CRIM1: variants seen among roughly 807,000 people sequenced by gnomAD.
CRIM1 encodes cysteine-rich motor neuron 1 protein.
Under a neutral mutation model 116.4 loss-of-function variants are expected in CRIM1, and 32 were observed. That is an observed-to-expected ratio of 0.27 (90% CI 0.21 to 0.37). CRIM1 has a LOEUF of 0.37. Ranked by LOEUF, CRIM1 falls within the 10% of genes least tolerant of loss-of-function variation. The pLI is 1.00. For synonymous variants in CRIM1, 590 were observed against 509.2 expected (o/e 1.16, Z -2.13); for missense variants, 1,331 against 1,354.8 (o/e 0.98, Z 0.28).
intron 2 of CRIM1, among the ~76,000 whole-genome samples, chr2:36,404,486 G>A (rs759628866): frequency 3.9e-5 from 6 of 152,132 alleles, no homozygotes; most frequent in Non-Finnish European, 7.4e-5. Flanking sequence ...CTTCCGAGGC[G>A]ACCGCTTTCA....
chr2:36,368,541 AG>A (rs1205005020), intron 1 of CRIM1, among the ~76,000 whole-genome samples: 1 of 152,230 alleles, frequency 6.6e-6, no homozygotes, highest in Non-Finnish European at 1.5e-5. Flanking sequence ...CACGGCTTCC[AG>A]TGTATATTAG....
At chr2:36,475,879 A>G (rs907567456) in intron 5 of CRIM1, among the ~76,000 whole-genome samples, 1 of 152,200 alleles carries the variant, frequency 6.6e-6, no homozygotes, top group African/African-American at 2.4e-5. Context: ...TCGTATTAAC[A>G]TTAATATTTT....
rs181871341 is a variant in CRIM1 at position 36,424,536 on chromosome 2, G to A, written c.506-16722G>A. ...TAAGGCCATGGTATGCTCATCCACAGTAGGGCTGTGTCCTTGGGAAGTAGG... is the reference window on the plus strand; with the variant it reads ...TAAGGCCATGGTATGCTCATCCACAATAGGGCTGTGTCCTTGGGAAGTAGG... On this transcript the variant is annotated intron_variant, in intron 2 of 16. Transcript: ENST00000280527. Among the ~76,000 whole-genome samples, 107 of 152,328 alleles carry A rather than the reference G, an allele frequency of 7.0e-4. 1 individual carries two copies. Among genetic ancestry groups the A allele is most frequent in the Middle Eastern group, 6.8e-3 (2 of 294 alleles).
At position 36,356,575 on chromosome 2, in the gene CRIM1, C is replaced by G. The variant is rs1277159229; in HGVS notation, c.283C>G (p.Pro95Ala). The change falls in exon 1 of 17, where the codon CCG becomes GCG. Residue 95 changes from proline to alanine, a missense_variant. Pro to Ala is a conservative substitution (Grantham distance 27). This residue lies in a region of CRIM1 where 690 missense variants were observed against 676.0 expected (regional missense o/e 1.02). Transcript: ENST00000280527. This position sits in a 1 kb window ranked among gnomAD's most constrained non-coding sequence, Gnocchi z 4.3. ...GGGGCTGCGTTGTGTCATCCGCCCC[C>G]CGCTCAATGGCGACTCCCTCACCGA... The part of the protein sequence containing the change: ...DRGLRCVIRP[P>A]LNGDSLTEYE... 6 of 1,612,222 alleles carry G rather than the reference C, an allele frequency of 3.7e-6. No individual in the cohort carries two copies. Among genetic ancestry groups the G allele is most frequent in the African/African-American group, 1.3e-5 (1 of 75,034 alleles).
At chr2:36,428,784 A>G (rs1427705425) in intron 2 of CRIM1, among the ~76,000 whole-genome samples, 1 of 152,216 alleles carries the variant, frequency 6.6e-6, no homozygotes, top group African/African-American at 2.4e-5. Context: ...AAATACTTCC[A>G]TTATTCTTAC....
chr2:36,479,031 C>T (rs1679203580), intron 6 of CRIM1, among the ~76,000 whole-genome samples: 1 of 152,124 alleles, frequency 6.6e-6, no homozygotes, highest in Non-Finnish European at 1.5e-5. Context: ...CATGGTCGTG[C>T]AGGTACATGA....
rs113171348 is a variant in CRIM1, at chr2:36,442,475, G to A, written c.749-140G>A. On this transcript the variant is annotated intron_variant, in intron 3 of 16. Coordinates refer to ENST00000280527, the MANE Select transcript of CRIM1 (RefSeq NM_016441.3). ...TATTGCAGTTCTATAGCATTAACTG[G>A]AGTAACATGTCGACACTAGGACTGG... 2.7e-4 allele frequency: 240 copies of A among 902,140 alleles called. 1 individual carries two copies. In the South Asian group the frequency reaches 3.2e-3, roughly 12 times the overall value. The allele number at this position is 902,140 out of a possible 1,614,324, so 55.9% of individuals were successfully genotyped here.
chr2:36,404,335 G>A (rs1029413568), intron 2 of CRIM1, among the ~76,000 whole-genome samples: 3 of 152,160 alleles, frequency 2.0e-5, no homozygotes, highest in African/African-American at 7.2e-5. Flanking sequence ...AGTAGAGCTG[G>A]TCAGACCCAC....
In CRIM1 at chr2:36,549,002, G is replaced by T; in HGVS notation, c.*301G>T. 5.2e-6 allele frequency: 1 copy of T among 190,572 alleles called. No homozygotes were observed. The highest frequency in any genetic ancestry group is 1.1e-5 in the Non-Finnish European group (1 of 92,978). 11.8% of individuals were successfully genotyped at this position (190,572 alleles called of 1,614,324 possible). ...GGGTGGGGACAGTGAGTTTGGATGGGGAAATGGGTGGGAGGGTGGTGTTGG... is the reference window on the plus strand; with the variant it reads ...GGGTGGGGACAGTGAGTTTGGATGGTGAAATGGGTGGGAGGGTGGTGTTGG... On this transcript the variant is annotated 3_prime_UTR_variant, in exon 17 of 17. Coordinates refer to ENST00000280527, the MANE Select transcript of CRIM1 (RefSeq NM_016441.3).
intron 4 of CRIM1, among the ~76,000 whole-genome samples, chr2:36,458,115 G>A (rs1461400206): frequency 6.6e-6 from 1 of 152,224 alleles, no homozygotes; most frequent in African/African-American, 2.4e-5. Flanking sequence ...ATCTTTTCCA[G>A]AAGACCTCAC....
At chr2:36,434,858 TG>T (rs778712554) in intron 2 of CRIM1, among the ~76,000 whole-genome samples, 7 of 152,218 alleles carry the variant, frequency 4.6e-5, no homozygotes, top group Non-Finnish European at 7.3e-5. Context: ...CCATTCCCTT[TG>T]TCTGGAACAC....
chr2:36,496,888 A>G (rs1414400240), intron 7 of CRIM1, among the ~76,000 whole-genome samples: 1 of 148,370 alleles, frequency 6.7e-6, no homozygotes, highest in East Asian at 1.9e-4. Context: ...TCGCATGTTA[A>G]TCTAATATAT....
At chr2:36,413,798 T>C (rs973668557) in intron 2 of CRIM1, among the ~76,000 whole-genome samples, 1 of 152,190 alleles carries the variant, frequency 6.6e-6, no homozygotes, top group African/African-American at 2.4e-5. Flanking sequence ...AAAGAGAACC[T>C]AGTTTCATTA....
chr2:36,396,975 G>C (rs1672075317), intron 2 of CRIM1, among the ~76,000 whole-genome samples, 188 bp downstream of exon 2: 1 of 152,160 alleles, frequency 6.6e-6, no homozygotes, highest in African/African-American at 2.4e-5. Context: ...AGACGCTATG[G>C]AATGGCGGTG....
intron 1 of CRIM1, among the ~76,000 whole-genome samples, chr2:36,387,491 C>T (rs1438915273): frequency 6.6e-6 from 1 of 152,104 alleles, no homozygotes; most frequent in African/African-American, 2.4e-5. Flanking sequence ...TGATCTAGCA[C>T]AGCACAAACA....
chr2:36,448,698 C>A (rs1453434522), intron 4 of CRIM1, among the ~76,000 whole-genome samples: 2 of 151,866 alleles, frequency 1.3e-5, no homozygotes, highest in Admixed American at 1.3e-4. Flanking sequence ...TTGTCCCAAA[C>A]TTTTTGTTCT....
In CRIM1 at chr2:36,391,576, C is replaced by T. The variant is rs1015207751; in HGVS notation, c.332-5038C>T. ...AGAAACATTCATTTTTATGGTTCCA[C>T]GGTAACTGTTAGAAGAGGTACCCAG... On this transcript the variant is annotated intron_variant, in intron 1 of 16. Coordinates refer to ENST00000280527, the MANE Select transcript of CRIM1 (RefSeq NM_016441.3). 5.3e-5 allele frequency among the ~76,000 whole-genome samples: 8 copies of T among 152,240 alleles called. No individual in the cohort carries two copies. The East Asian group carries it at 5.8e-4, about 11-fold the overall frequency.
intron 13 of CRIM1, among the ~76,000 whole-genome samples, chr2:36,535,181 G>T (rs1355322518): frequency 3.0e-5 from 4 of 134,110 alleles, no homozygotes; most frequent in African/African-American, 1.1e-4. Context: ...AGGAGGGAGG[G>T]AGGGAGGGTA....
intron 8 of CRIM1, among the ~76,000 whole-genome samples, chr2:36,501,450 G>A (rs115386604): frequency 0.021 from 3,177 of 152,250 alleles, 125 homozygotes; most frequent in African/African-American, 0.072. Context: ...CAGGCGTGGT[G>A]GCTCACACCT....
Sources: allele counts gnomAD v4.1 joint callset (sites outside exome capture counted in the v4.1 genomes callset), GRCh38; gene constraint gnomAD v4.1.1; regional missense constraint gnomAD v4.1.1; non-coding constraint Gnocchi (gnomAD v3.1); transcripts MANE v1.5; gene names NCBI Gene and HGNC (gene_info 2026-07-23, HGNC 2026-07-21).